The following UBE2O variants were observed in gnomAD, a reference collection of about 807,000 sequenced individuals.
UBE2O encodes (E3-independent) E2 ubiquitin-conjugating enzyme.
UBE2O carries 15 observed loss-of-function variants against 125.8 expected under a neutral mutation model. That is an observed-to-expected ratio of 0.12 (90% CI 0.08 to 0.18). The LOEUF (loss-of-function observed/expected upper bound fraction) is 0.18, where lower values mean the gene tolerates loss of function less well. Among genes scored for constraint, UBE2O ranks in the 10% least tolerant of loss-of-function variants. The pLI is 1.00. For missense variants in UBE2O, 1,280 were observed against 1,723.6 expected, an observed-to-expected ratio of 0.74 and a Z score of 4.56; for synonymous variants, 708 against 703.2, an observed-to-expected ratio of 1.01 and a Z score of -0.11.
intron 1 of UBE2O, among the ~76,000 whole-genome samples, chr17:76,425,246 A>AGT (rs2072791938): frequency 6.7e-6 from 1 of 149,948 alleles, no homozygotes; most frequent in Non-Finnish European, 1.5e-5. Flanking sequence ...AAAAAAAAAA[A>AGT]AAAAGTAAAA....
At position 76,405,626 on chromosome 17, in the gene UBE2O, A is replaced by G; in HGVS notation, c.418-54T>C. 6.8e-7 allele frequency: 1 copy of G among 1,462,296 alleles called. No individual in the cohort carries two copies. The highest frequency in any genetic ancestry group is 1.2e-5 in the South Asian group (1 of 82,716). The allele number at this position is 1,462,296 out of a possible 1,614,324, so 90.6% of individuals were successfully genotyped here. A position where few individuals can be genotyped will look rare whatever the true frequency, so the allele number is the denominator to read the frequency against. On this transcript the variant is annotated intron_variant, in intron 1 of 17. Transcript: ENST00000319380. This position sits in a 1 kb window ranked among gnomAD's most constrained non-coding sequence, Gnocchi z 6.1. ...ATGGACTCTGAAGCCACCACAGAATACAGTTTTCTTCCAGCTTCTGAAGGA... is the reference window on the plus strand; with the variant it reads ...ATGGACTCTGAAGCCACCACAGAATGCAGTTTTCTTCCAGCTTCTGAAGGA...
At chr17:76,432,575 G>C (rs2072922749) in intron 1 of UBE2O, among the ~76,000 whole-genome samples, 3 of 152,174 alleles carry the variant, frequency 2.0e-5, no homozygotes, top group Middle Eastern at 6.8e-3. Context: ...AGTTTCTAAG[G>C]GTCTTAAGCA....
intron 1 of UBE2O, among the ~76,000 whole-genome samples, chr17:76,446,019 G>T (rs1232254159): frequency 6.6e-6 from 1 of 152,230 alleles, no homozygotes; most frequent in African/African-American, 2.4e-5. Context: ...CCTATTAAGT[G>T]AGAAAAGTGA....
chr17:76,400,587 G>T lies in UBE2O; in HGVS notation c.895-37C>A. On this transcript the variant is annotated intron_variant, in intron 6 of 17. Coordinates refer to ENST00000319380, the MANE Select transcript of UBE2O (RefSeq NM_022066.4). The surrounding 1 kb of genome is among the most constrained non-coding windows in gnomAD (Gnocchi z 4.3). ...AGGTGGGACACGCCAGTCAGGGCAGGCTCTGACAGCACTCTCTTTAGCCAG... is the reference window on the plus strand; with the variant it reads ...AGGTGGGACACGCCAGTCAGGGCAGTCTCTGACAGCACTCTCTTTAGCCAG... 1 of 1,452,412 alleles carries T rather than the reference G, an allele frequency of 6.9e-7. No homozygotes were observed. The allele number at this position is 1,452,412 out of a possible 1,614,324, so 90.0% of individuals were successfully genotyped here.
intron 1 of UBE2O, among the ~76,000 whole-genome samples, chr17:76,427,810 C>T (rs2143832887): frequency 6.6e-6 from 1 of 152,356 alleles, no homozygotes; most frequent in Non-Finnish European, 1.5e-5. Flanking sequence ...TGACATTTCT[C>T]TGATCCCATG....
rs764319583 is a variant in UBE2O at position 76,402,616 on chromosome 17, T to C, written c.672A>G (p.Leu224=). The part of the protein sequence containing the change: ...YDLKNQIILK[L]SNGARCSMNT... Reference sequence around the variant, plus strand: ...TGAGACTCTACCTGGCGCCGTTGGATAGCTTCAGGATGATCTGGTTCTTCA... The same window carrying C: ...TGAGACTCTACCTGGCGCCGTTGGACAGCTTCAGGATGATCTGGTTCTTCA... Residue 224 remains leucine (L), a synonymous_variant, in exon 4 of 18, where the codon CTA becomes CTG. Coordinates refer to ENST00000319380, the MANE Select transcript of UBE2O (RefSeq NM_022066.4). The surrounding 1 kb of genome is among the most constrained non-coding windows in gnomAD (Gnocchi z 5.4). The C allele has an allele frequency of 6.2e-7, 1 of 1,614,078 alleles. No individual in the cohort carries two copies. Among genetic ancestry groups the C allele is most frequent in the Non-Finnish European group, 8.5e-7 (1 of 1,179,990 alleles).
chr17:76,395,971 T>C lies in UBE2O; in HGVS notation c.2810-110A>G. On this transcript the variant is annotated intron_variant, in intron 14 of 17. Coordinates refer to ENST00000319380, the MANE Select transcript of UBE2O (RefSeq NM_022066.4). The surrounding 1 kb of genome is among the most constrained non-coding windows in gnomAD (Gnocchi z 5.0). ...CCACAGACTTCCCACTCGCCGCTGC[T>C]GGCCTCAGCACTGTGACCACACAGG... 6.5e-7 allele frequency: 1 copy of C among 1,545,846 alleles called. No homozygotes were observed.
intron 1 of UBE2O, among the ~76,000 whole-genome samples, chr17:76,436,107 C>T (rs2072993160): frequency 1.3e-5 from 2 of 152,128 alleles, no homozygotes; most frequent in South Asian, 4.2e-4. Context: ...ATTAGCCAGG[C>T]ATGGTGGTGT....
intron 1 of UBE2O, among the ~76,000 whole-genome samples, chr17:76,440,263 T>C (rs1435391546): frequency 6.6e-6 from 1 of 152,374 alleles, no homozygotes; most frequent in East Asian, 1.9e-4. Flanking sequence ...ATGAGTTATA[T>C]GTTGATATAA....
Position 76,398,273 on chromosome 17 carries a change from A to G in UBE2O, c.2007T>C (p.Ala669=), listed in dbSNP as rs1301347881. ...GGCGTACCTCATCCTCCTTGTGAGG[A>G]GCCCCATCCTCAGTATTGCCGATGC... is the stretch of plus-strand genomic sequence containing the variant. ...VIRIGNTEDG[A]PHKEDEPSVG... is the part of the protein sequence containing the mutation. Residue 669 remains alanine (A), a synonymous_variant, in exon 12 of 18, where the codon GCT becomes GCC. Coordinates refer to ENST00000319380, the MANE Select transcript of UBE2O (RefSeq NM_022066.4). The surrounding 1 kb of genome is among the most constrained non-coding windows in gnomAD (Gnocchi z 5.4). 15 of 1,614,084 alleles carry G rather than the reference A, an allele frequency of 9.3e-6. No homozygotes were observed. Among genetic ancestry groups the G allele is most frequent in the Non-Finnish European group, 1.2e-5 (14 of 1,180,044 alleles).
intron 1 of UBE2O, among the ~76,000 whole-genome samples, chr17:76,428,744 C>G (rs1236404433): frequency 6.6e-6 from 1 of 152,126 alleles, no homozygotes; most frequent in Non-Finnish European, 1.5e-5. Context: ...ACTGCTGTTA[C>G]ATGTGGTTAC....
At position 76,413,385 on chromosome 17, in the gene UBE2O, C is replaced by G. The variant is rs148816056; in HGVS notation, c.418-7813G>C. ...CCCCAAAGCAGCACTTTTTTTCAAA[C>G]CATGTGTTGTGACCCATTAGTGGGT... On this transcript the variant is annotated intron_variant, in intron 1 of 17. Coordinates refer to ENST00000319380, the MANE Select transcript of UBE2O (RefSeq NM_022066.4). 2.4e-3 allele frequency among the ~76,000 whole-genome samples: 363 copies of G among 152,160 alleles called. 1 individual carries two copies. Among genetic ancestry groups the G allele is most frequent in the African/African-American group, 8.3e-3 (345 of 41,510 alleles).
chr17:76,422,382 T>C (rs2072726191), intron 1 of UBE2O, among the ~76,000 whole-genome samples: 2 of 152,204 alleles, frequency 1.3e-5, no homozygotes, highest in Admixed American at 6.5e-5. Context: ...AGACACAACC[T>C]GCTCTGTCAT....
At chr17:76,450,808 A>G (rs2143936341) in intron 1 of UBE2O, among the ~76,000 whole-genome samples, 1 of 152,210 alleles carries the variant, frequency 6.6e-6, no homozygotes, top group Middle Eastern at 3.4e-3. Context: ...TTTAGTAGAG[A>G]CAGGGTTTCT....
Position 76,389,869 on chromosome 17 carries a change from C to T in UBE2O, c.*1074G>A, listed in dbSNP as rs1288920430. 1 of 152,382 alleles carries T rather than the reference C, an allele frequency of 6.6e-6. No individual in the cohort carries two copies. Among genetic ancestry groups the T allele is most frequent in the Non-Finnish European group, 1.5e-5 (1 of 68,010 alleles). 9.4% of individuals were successfully genotyped at this position (152,382 alleles called of 1,614,324 possible). On this transcript the variant is annotated 3_prime_UTR_variant, in exon 18 of 18. Coordinates refer to ENST00000319380, the MANE Select transcript of UBE2O (RefSeq NM_022066.4). ...GTTTTTTTTCCAACCTTAAATATTACATACATACACCAAAAATTACATAGC... is the reference window on the plus strand; with the variant it reads ...GTTTTTTTTCCAACCTTAAATATTATATACATACACCAAAAATTACATAGC...
At chr17:76,425,243 A>T (rs1199910581) in intron 1 of UBE2O, among the ~76,000 whole-genome samples, 1 of 136,880 alleles carries the variant, frequency 7.3e-6, no homozygotes, top group African/African-American at 2.9e-5. Flanking sequence ...AAAAAAAAAA[A>T]AAAAAAAGTA....
chr17:76,433,638 G>A (rs935197821), intron 1 of UBE2O, among the ~76,000 whole-genome samples: 2 of 150,596 alleles, frequency 1.3e-5, no homozygotes, highest in Admixed American at 6.6e-5. Context: ...GGTCTCGATC[G>A]CTTGAACCCA....
Position 76,404,009 on chromosome 17 carries a change from AAGAATAC to A in UBE2O, c.588+1190_588+1196del, listed in dbSNP as rs1224175091. Among the ~76,000 whole-genome samples, 1 of 152,230 alleles carries A rather than the reference AAGAATAC, an allele frequency of 6.6e-6. No individual in the cohort carries two copies. Among genetic ancestry groups the A allele is most frequent in the Non-Finnish European group, 1.5e-5 (1 of 68,048 alleles). On this transcript the variant is annotated intron_variant, in intron 3 of 17. Coordinates refer to ENST00000319380, the MANE Select transcript of UBE2O (RefSeq NM_022066.4). The surrounding 1 kb of genome is among the most constrained non-coding windows in gnomAD (Gnocchi z 4.3). ...CTCTAAGTCCATACTGATAAAAAAA[AAGAATAC>A]ATAAATAGGGCAGAAGATAAAGCTC...
Position 76,398,115 on chromosome 17 carries a change from G to T in UBE2O, c.2025+140C>A. The stretch of plus-strand genomic sequence containing the variant: ...GTGCTGAGCGGCAGCTTGACTCTGG[G>T]GCAGCTGCCCTTCTGAGGACACTGA... On this transcript the variant is annotated intron_variant, in intron 12 of 17. Transcript: ENST00000319380. This position sits in a 1 kb window ranked among gnomAD's most constrained non-coding sequence, Gnocchi z 5.4. 1.7e-6 allele frequency: 2 copies of T among 1,208,496 alleles called. No homozygotes were observed. The highest frequency in any genetic ancestry group is 2.4e-5 in the East Asian group (1 of 41,650). The allele number at this position is 1,208,496 out of a possible 1,614,324, so 74.9% of individuals were successfully genotyped here. A position where few individuals can be genotyped will look rare whatever the true frequency, so the allele number is the denominator to read the frequency against.
Sources: gnomAD v4.1 joint callset for allele counts (sites outside exome capture counted in the v4.1 genomes callset) on GRCh38, gnomAD v4.1.1 for gene constraint, Gnocchi (gnomAD v3.1) non-coding constraint, MANE v1.5 for transcripts, NCBI Gene and HGNC (gene_info 2026-07-23, HGNC 2026-07-21) for gene names.